NMRK1: variants seen among roughly 807,000 people sequenced by gnomAD.
NMRK1 encodes the protein nicotinamide riboside kinase 1.
Under a neutral mutation model 29.9 loss-of-function variants are expected in NMRK1, and 28 were observed. That is an observed-to-expected ratio of 0.94 (90% CI 0.69 to 1.28). The LOEUF (loss-of-function observed/expected upper bound fraction) is 1.28. Among genes scored for constraint, NMRK1 ranks in the 50% most tolerant of loss-of-function variants. NMRK1 has a pLI of 0.00. For missense variants in NMRK1, 218 were observed against 233.1 expected (o/e 0.94, Z 0.42); for synonymous variants, 58 against 73.0 (o/e 0.79, Z 1.05).
chr9:75,083,061 G>A, intron 2 of NMRK1, 26 bp downstream of exon 2: 3 of 1,545,590 alleles, frequency 1.9e-6, no homozygotes, highest in Non-Finnish European at 2.7e-6. Flanking sequence ...GTATCTTAAA[G>A]AGCTGTTTGT....
Position 75,083,984 on chromosome 9 carries a change from A to T in NMRK1, c.-35-834T>A, listed in dbSNP as rs1824471005. 3.3e-5 allele frequency among the ~76,000 whole-genome samples: 5 copies of T among 152,294 alleles called. 1 individual carries two copies. The South Asian group carries it at 1.0e-3, about 32-fold the overall frequency. ...GATTTCTGTTGTGCTTTCTACATGA[A>T]ACTGCAAATGTTCAGGCAGAGGGCC... On this transcript the variant is annotated intron_variant, in intron 1 of 8. Transcript: ENST00000361092.
At chr9:75,064,448 C>T (rs570319332) in intron 8 of NMRK1, among the ~76,000 whole-genome samples, 1 of 152,310 alleles carries the variant, frequency 6.6e-6, no homozygotes, top group African/African-American at 2.4e-5. Context: ...CTTCACCCCA[C>T]ACCCTCTATA....
rs1823606494 is a variant in NMRK1, at chr9:75,070,002, A to G, written c.210T>C (p.Ile70=). 1 of 1,613,620 alleles carries G rather than the reference A, an allele frequency of 6.2e-7. No homozygotes were observed. Among genetic ancestry groups the G allele is most frequent in the South Asian group, 1.1e-5 (1 of 90,920 alleles). ...GTCTTGCGCTTTCCATCCAGCAGGA[A>G]ATGGCTGACATCATTTTTTCCATGT... The part of the protein sequence containing the change: ...ALNMEKMMSA[I]SCWMESARHS... Residue 70 remains isoleucine (I), a synonymous_variant, in exon 5 of 9, where the codon ATT becomes ATC. Transcript: ENST00000361092.
intron 8 of NMRK1, among the ~76,000 whole-genome samples, chr9:75,061,970 T>C (rs1021321785): frequency 1.3e-5 from 2 of 152,250 alleles, no homozygotes; most frequent in African/African-American, 2.4e-5. Context: ...AGTGGAATAC[T>C]TGATTTGGCA....
intron 4 of NMRK1, among the ~76,000 whole-genome samples, chr9:75,075,233 G>T (rs192686020): frequency 1.9e-4 from 29 of 152,218 alleles, no homozygotes; most frequent in East Asian, 1.7e-3. Flanking sequence ...CAGTTTGTAA[G>T]AATTCATTAA....
At chr9:75,086,104 T>C in intron 1 of NMRK1, among the ~76,000 whole-genome samples, 1 of 151,876 alleles carries the variant, frequency 6.6e-6, no homozygotes, top group East Asian at 1.9e-4. Context: ...AAGGCTGCAG[T>C]GAGCCATGAC....
chr9:75,077,186 C>T lies in NMRK1; in HGVS notation c.142G>A (p.Asp48Asn). 3 of 1,596,046 alleles carry T rather than the reference C, an allele frequency of 1.9e-6. No homozygotes were observed. The highest frequency in any genetic ancestry group is 2.2e-5 in the East Asian group (1 of 44,640). The change falls in exon 4 of 9, where the codon GAT becomes AAT. Residue 48 changes from aspartate (D) to asparagine (N), a missense_variant. Transcript: ENST00000361092. ...FFKPESEIET[D>N]KNGFLQYDVL... ...TCGTACTGCAAAAATCCATTTTTAT[C>T]TGTCTCTATCTCAGACTCTGGCTGG...
chr9:75,068,203 T>G (rs1036579484), intron 7 of NMRK1, among the ~76,000 whole-genome samples: 2 of 152,152 alleles, frequency 1.3e-5, no homozygotes, highest in Admixed American at 1.3e-4. Context: ...CATCACACCC[T>G]ATAAATCTAT....
intron 8 of NMRK1, among the ~76,000 whole-genome samples, chr9:75,063,503 G>C (rs1200074152): frequency 6.6e-6 from 1 of 151,994 alleles, no homozygotes; most frequent in Non-Finnish European, 1.5e-5. Context: ...ATTAAATTTT[G>C]CCTCATACTT....
At chr9:75,080,876 C>T (rs1347159254) in intron 2 of NMRK1, among the ~76,000 whole-genome samples, 1 of 152,192 alleles carries the variant, frequency 6.6e-6, no homozygotes, top group East Asian at 1.9e-4. Flanking sequence ...TCATCTTCCA[C>T]CATGACTGTA....
rs535598443 is a variant in NMRK1 at position 75,066,969 on chromosome 9, A to C, written c.497-129T>G. 5.1e-6 allele frequency: 3 copies of C among 591,174 alleles called. No individual in the cohort carries two copies. In the African/African-American group the frequency reaches 5.7e-5, roughly 11 times the overall value. The allele number at this position is 591,174 out of a possible 1,614,324, so 36.6% of individuals were successfully genotyped here. A position where few individuals can be genotyped will look rare whatever the true frequency, so the allele number is the denominator to read the frequency against. On this transcript the variant is annotated intron_variant, in intron 7 of 8. Transcript: ENST00000361092. Reference sequence around the variant, plus strand: ...AAGGCACCCAGGACCATAACTTAAAAGGAAATTAATAGTGATTAAAGAAAG... The same window carrying C: ...AAGGCACCCAGGACCATAACTTAAACGGAAATTAATAGTGATTAAAGAAAG...
chr9:75,080,469 T>C (rs1283644538), intron 2 of NMRK1, among the ~76,000 whole-genome samples: 2 of 152,128 alleles, frequency 1.3e-5, no homozygotes, highest in Non-Finnish European at 2.9e-5. Context: ...CTGGTCAACA[T>C]GGTGAAACCC....
At chr9:75,082,950 T>C (rs1439893276) in intron 2 of NMRK1, 137 bp downstream of exon 2, 1 of 681,428 alleles carries the variant, frequency 1.5e-6, no homozygotes. Context: ...AGTGCTCCAC[T>C]GATATTCCAC....
In NMRK1 at chr9:75,077,591, G is replaced by C; in HGVS notation, c.30-11C>G. The C allele has an allele frequency of 6.3e-7, 1 of 1,589,544 alleles. No individual in the cohort carries two copies. Among genetic ancestry groups the C allele is most frequent in the Non-Finnish European group, 8.6e-7 (1 of 1,164,706 alleles). Reference sequence around the variant, plus strand: ...CCACTGTTTGTCACACTGAAGCAAAGAAAAAAGAAAGTACCAAGAAGGAAA... The same window carrying C: ...CCACTGTTTGTCACACTGAAGCAAACAAAAAAGAAAGTACCAAGAAGGAAA... On this transcript the variant is annotated splice_polypyrimidine_tract_variant and intron_variant, in intron 2 of 8. Transcript: ENST00000361092.
chr9:75,070,741 A>C (rs1444729633), intron 4 of NMRK1, among the ~76,000 whole-genome samples: 1 of 152,188 alleles, frequency 6.6e-6, no homozygotes, highest in Non-Finnish European at 1.5e-5. Context: ...TTTTAGTGGA[A>C]GGTTTTTAAA....
intron 1 of NMRK1, among the ~76,000 whole-genome samples, chr9:75,086,256 T>C (rs1274452124): frequency 6.6e-6 from 1 of 152,108 alleles, no homozygotes; most frequent in Admixed American, 6.5e-5. Flanking sequence ...AAGCTCGCAA[T>C]TGAGTTGCCA....
intron 8 of NMRK1, among the ~76,000 whole-genome samples, chr9:75,066,473 T>TC (rs2118023039): frequency 6.6e-6 from 1 of 152,284 alleles, no homozygotes; most frequent in Admixed American, 6.5e-5. Flanking sequence ...ATACTTCCAG[T>TC]CCCATTTGGT....
intron 4 of NMRK1, among the ~76,000 whole-genome samples, chr9:75,076,804 G>A (rs1383532448): frequency 3.9e-5 from 6 of 152,086 alleles, no homozygotes; most frequent in African/African-American, 1.4e-4. Context: ...TGTTGCTCAG[G>A]CTGGTCTGAA....
At chr9:75,069,285 G>A (rs1823556092) in intron 6 of NMRK1, 183 bp from the exon 7 acceptor site, 1 of 548,602 alleles carries the variant, frequency 1.8e-6, no homozygotes, top group African/African-American at 1.9e-5. Flanking sequence ...TTAGTTCTTT[G>A]ATATTAAAAT....
Sources: gnomAD v4.1 joint callset for allele counts (sites outside exome capture counted in the v4.1 genomes callset) on GRCh38, gnomAD v4.1.1 for gene constraint, MANE v1.5 for transcripts, NCBI Gene and HGNC (gene_info 2026-07-23, HGNC 2026-07-21) for gene names.